AKAP3: variants seen among roughly 807,000 people sequenced by gnomAD.
The protein encoded by AKAP3 is A-kinase anchoring protein 3.
A neutral mutation model predicts 57.2 loss-of-function variants in AKAP3; 27 were observed. The ratio of observed to expected loss-of-function variants is 0.47; its 90% CI spans 0.35 to 0.65. The LOEUF is 0.65. Ranked by LOEUF, AKAP3 falls within the 30% of genes least tolerant of loss-of-function variation. The probability of loss-of-function intolerance (pLI) is 0.01; values close to 1 mark genes in which losing one functional copy is unlikely to be tolerated. For missense variants in AKAP3, 959 were observed against 1,040.0 expected (o/e 0.92, Z 1.07); for synonymous variants, 334 against 392.3 (o/e 0.85, Z 1.76).
At chr12:4,620,492 AAAAG>A (rs1483057935) in intron 5 of AKAP3, among the ~76,000 whole-genome samples, 2 of 151,538 alleles carry the variant, frequency 1.3e-5, no homozygotes, top group African/African-American at 2.4e-5. Context: ...AAAAAAAAAA[AAAAG>A]AGAGATTGTA....
chr12:4,627,141 C>T lies in AKAP3; in HGVS notation c.1761G>A (p.Lys587=), dbSNP rs1945427589. 6.2e-7 allele frequency: 1 copy of T among 1,614,142 alleles called. No individual in the cohort carries two copies. ...TAAAGAAAACACTCCTTAGGTCCTT[C>T]TTTTCTGCTTGTTCTTGGTCACCTA... is the stretch of plus-strand genomic sequence containing the variant. The part of the protein sequence containing the change: ...PIVGDQEQAE[K]KDLRSVFFNF... The change falls in exon 5 of 6, where the codon AAG becomes AAA. Residue 587 remains lysine, a synonymous_variant. Coordinates refer to ENST00000228850, the MANE Select transcript of AKAP3 (RefSeq NM_001278309.2).
intron 3 of AKAP3, among the ~76,000 whole-genome samples, chr12:4,639,587 CCACAA>C (rs1945610705): frequency 6.6e-6 from 1 of 151,378 alleles, no homozygotes. Flanking sequence ...TCCCCCCACC[CCACAA>C]CAGGCCCCGG....
rs374413843 is a variant in AKAP3, at chr12:4,626,988, G to T, written c.1914C>A (p.Pro638=). 6 of 1,614,028 alleles carry T rather than the reference G, an allele frequency of 3.7e-6. No homozygotes were observed. The highest frequency in any genetic ancestry group is 2.2e-5 in the East Asian group (1 of 44,876). ...LCERPLASSP[P]RLYEDDETPG... ...GGGTCTCATCATCCTCATATAGCCT[G>T]GGGGGAGAAGACGCCAACGGTCTTT... The change falls in exon 5 of 6, where the codon CCC becomes CCA. Residue 638 remains proline, a synonymous_variant. Transcript: ENST00000228850.
rs184971577 is a variant in AKAP3, at chr12:4,635,914, C to T, written c.96+2187G>A. ...CTTAGATCTCTCCATTTTTTCTTCA[C>T]TTCCATCACCAACACTAGCAGTTGG... On this transcript the variant is annotated intron_variant, in intron 4 of 5. Transcript: ENST00000228850. The T allele has an allele frequency of 9.0e-5, 67 of 748,072 alleles. 1 individual carries two copies. The East Asian group carries it at 1.6e-3, about 18-fold the overall frequency. 46.3% of individuals were successfully genotyped at this position (748,072 alleles called of 1,614,324 possible).
At chr12:4,638,516 G>C (rs923469746) in intron 3 of AKAP3, among the ~76,000 whole-genome samples, 2 of 152,060 alleles carry the variant, frequency 1.3e-5, no homozygotes, top group African/African-American at 4.8e-5. Flanking sequence ...CTTGCTTGAC[G>C]ACCCTCCCCC....
At position 4,627,678 on chromosome 12, in the gene AKAP3, G is replaced by A; in HGVS notation, c.1224C>T (p.Ser408=). 3 of 1,614,068 alleles carry A rather than the reference G, an allele frequency of 1.9e-6. No homozygotes were observed. The highest frequency in any genetic ancestry group is 2.5e-6 in the Non-Finnish European group (3 of 1,180,036). The change falls in exon 5 of 6, where the codon TCC becomes TCT. Residue 408 remains serine (S), a synonymous_variant. Coordinates refer to ENST00000228850, the MANE Select transcript of AKAP3 (RefSeq NM_001278309.2). ...TTTTAGGATCACCCATTCCTTTCAT[G>A]GAGATGAGGGAATAACTCTCAGCCT... ...QDKAESYSLI[S]MKGMGDPKNR...
Position 4,628,348 on chromosome 12 carries a change from G to A in AKAP3, c.554C>T (p.Ala185Val). The change falls in exon 5 of 6, where the codon GCA becomes GTA. Residue 185 changes from alanine to valine, a missense_variant. Transcript: ENST00000228850. ...GTCTGGGGCAGCATTCCTGGAACATGCAGAGACGGTCTCATTCACAAGCTC... is the reference window on the plus strand; with the variant it reads ...GTCTGGGGCAGCATTCCTGGAACATACAGAGACGGTCTCATTCACAAGCTC... ...ASELVNETVS[A>V]CSRNAAPDKA... is the part of the protein sequence containing the mutation. The A allele has an allele frequency of 6.2e-7, 1 of 1,614,192 alleles. No individual in the cohort carries two copies. The highest frequency in any genetic ancestry group is 1.1e-5 in the South Asian group (1 of 91,090).
Position 4,628,039 on chromosome 12 carries a change from T to C in AKAP3, c.863A>G (p.Tyr288Cys), listed in dbSNP as rs773938534. The stretch of plus-strand genomic sequence containing the variant: ...CATATCAGATACCACACTGTTAGCA[T>C]AGGTCATGATCCCTTCACTAACAGA... Reference protein sequence around the residue: ...TASVSEGIMTYANSVVSDMMV... With the variant: ...TASVSEGIMTCANSVVSDMMV... The change falls in exon 5 of 6, where the codon TAT (tyrosine) becomes TGT (cysteine). Residue 288 changes from tyrosine (Y) to cysteine (C), a missense_variant. Physicochemically the swap from Tyr to Cys is radical, Grantham distance 194. Transcript: ENST00000228850. 13 of 1,614,038 alleles carry C rather than the reference T, an allele frequency of 8.1e-6. No homozygotes were observed. Among genetic ancestry groups the C allele is most frequent in the Non-Finnish European group, 1.0e-5 (12 of 1,180,022 alleles).
In AKAP3 at chr12:4,648,792, G is replaced by A. The variant is rs1195681858; in HGVS notation, c.-292C>T. 7.6e-6 allele frequency: 2 copies of A among 263,344 alleles called. No individual in the cohort carries two copies. Among genetic ancestry groups the A allele is most frequent in the Non-Finnish European group, 7.2e-6 (1 of 138,874 alleles). 16.3% of individuals were successfully genotyped at this position (263,344 alleles called of 1,614,324 possible). ...ATTTTCAGGGAACAGGAAACTGAGAGTCAGGAAAGGTGAGCTCTTCTACCT... is the reference window on the plus strand; with the variant it reads ...ATTTTCAGGGAACAGGAAACTGAGAATCAGGAAAGGTGAGCTCTTCTACCT... On this transcript the variant is annotated 5_prime_UTR_variant, in exon 1 of 6. Coordinates refer to ENST00000228850, the MANE Select transcript of AKAP3 (RefSeq NM_001278309.2).
In AKAP3 at chr12:4,641,951, G is replaced by C. The variant is rs937927609; in HGVS notation, c.-53C>G. The C allele has an allele frequency of 7.9e-5, 12 of 152,266 alleles. No individual in the cohort carries two copies. The highest frequency in any genetic ancestry group is 2.6e-4 in the African/African-American group (11 of 41,554). The allele number at this position is 152,266 out of a possible 1,614,324, so 9.4% of individuals were successfully genotyped here. A position where few individuals can be genotyped will look rare whatever the true frequency, so the allele number is the denominator to read the frequency against. On this transcript the variant is annotated 5_prime_UTR_variant, in exon 3 of 6. Transcript: ENST00000228850. ...GAGGAAAGCTCTTGATTAATTTATT[G>C]TTGTCTTCACTATCCCTCAGTTTAC...
intron 4 of AKAP3, 37 bp from the exon 5 acceptor site, chr12:4,628,842 A>G: frequency 6.4e-7 from 1 of 1,559,868 alleles, no homozygotes; most frequent in Admixed American, 1.8e-5. Flanking sequence ...ACTATAACAA[A>G]GTAAAGATAT....
At position 4,628,124 on chromosome 12, in the gene AKAP3, A is replaced by C. The variant is rs1191343685; in HGVS notation, c.778T>G (p.Phe260Val). The part of the protein sequence containing the change: ...NGDYAREGGR[F>V]FPRERKRFRG... Reference sequence around the variant, plus strand: ...AACCTCTTTCTCTCCCGAGGAAAGAACCTTCCACCCTCTCTGGCATAATCT... The same window carrying C: ...AACCTCTTTCTCTCCCGAGGAAAGACCCTTCCACCCTCTCTGGCATAATCT... The change falls in exon 5 of 6, where the codon TTC becomes GTC. Residue 260 changes from phenylalanine to valine, a missense_variant. Phe to Val is a conservative substitution (Grantham distance 50). Transcript: ENST00000228850. The C allele has an allele frequency of 3.1e-6, 5 of 1,614,186 alleles. No homozygotes were observed. Among genetic ancestry groups the C allele is most frequent in the South Asian group, 2.2e-5 (2 of 91,088 alleles).
At chr12:4,646,149 T>A (rs1490425299) in intron 1 of AKAP3, among the ~76,000 whole-genome samples, 1 of 152,204 alleles carries the variant, frequency 6.6e-6, no homozygotes, top group African/African-American at 2.4e-5. Context: ...CCTGAGAAAC[T>A]GTAGTGGGAA....
At chr12:4,621,344 A>G (rs1302668634) in intron 5 of AKAP3, among the ~76,000 whole-genome samples, 1 of 152,214 alleles carries the variant, frequency 6.6e-6, no homozygotes, top group Non-Finnish European at 1.5e-5. Flanking sequence ...TATGAAGTCT[A>G]CAGTAGTGAA....
chr12:4,636,137 G>A (rs1260053866), intron 4 of AKAP3: 5 of 858,170 alleles, frequency 5.8e-6, no homozygotes, highest in Non-Finnish European at 9.6e-6. Flanking sequence ...GAGCCATAGG[G>A]TCTTGCTTGC....
At chr12:4,643,965 A>T (rs938942739) in intron 2 of AKAP3, among the ~76,000 whole-genome samples, 2 of 152,170 alleles carry the variant, frequency 1.3e-5, no homozygotes, top group Non-Finnish European at 2.9e-5. Flanking sequence ...ACCAGGTTTT[A>T]TTACTAGTTT....
rs374817430 is a variant in AKAP3 at position 4,641,062 on chromosome 12, C to CTTTTTT, written c.-1+831_-1+836dup. Among the ~76,000 whole-genome samples, 17 of 68,714 alleles carry CTTTTTT rather than the reference C, an allele frequency of 2.5e-4. 2 individuals are homozygous for CTTTTTT. Among genetic ancestry groups the CTTTTTT allele is most frequent in the Non-Finnish European group, 3.5e-4 (14 of 39,848 alleles). 45.1% of individuals were successfully genotyped at this position (68,714 alleles called of 152,430 possible). On this transcript the variant is annotated intron_variant, in intron 3 of 5. Transcript: ENST00000228850. ...TCTCTGAGACAGATTTTCTAACTTC[C>CTTTTTT]TTTTTTTTTTTTTTTTTTTTTTTTT...
chr12:4,643,164 T>C (rs1246803071), intron 2 of AKAP3, among the ~76,000 whole-genome samples: 11 of 152,240 alleles, frequency 7.2e-5, no homozygotes, highest in African/African-American at 2.4e-4. Context: ...CACTTAAATA[T>C]ATTCTAATGT....
At chr12:4,633,867 C>G (rs1425120075) in intron 4 of AKAP3, among the ~76,000 whole-genome samples, 2 of 151,898 alleles carry the variant, frequency 1.3e-5, no homozygotes, top group Non-Finnish European at 2.9e-5. Context: ...TCTTTAAACA[C>G]CTATAGCAAT....
Sources: gnomAD v4.1 joint callset for allele counts (sites outside exome capture counted in the v4.1 genomes callset) on GRCh38, gnomAD v4.1.1 for gene constraint, MANE v1.5 for transcripts, NCBI Gene and HGNC (gene_info 2026-07-23, HGNC 2026-07-21) for gene names.